Variants in EDN1 observed in about 807,000 individuals in gnomAD.
EDN1 encodes endothelin-1.
A neutral mutation model predicts 21.7 loss-of-function variants in EDN1; 11 were observed. The ratio of observed to expected loss-of-function variants is 0.51; its 90% CI spans 0.32 to 0.84. The LOEUF is 0.84. Among genes scored for constraint, EDN1 ranks in the 40% least tolerant of loss-of-function variants. The probability of loss-of-function intolerance (pLI) is 0.03; values close to 1 mark genes in which losing one functional copy is unlikely to be tolerated. For synonymous variants in EDN1, 85 were observed against 90.6 expected, an observed-to-expected ratio of 0.94 and a Z score of 0.35; for missense variants, 244 against 262.3, an observed-to-expected ratio of 0.93 and a Z score of 0.48.
chr6:12,290,504 A>T lies in EDN1; in HGVS notation c.-126A>T. ...TGCCTTTTCTCCCCGTTAAAAGGGC[A>T]CTTGGGCTGAAGGATCGCTTTGAGA... On this transcript the variant is annotated 5_prime_UTR_variant, in exon 1 of 5. Transcript: ENST00000379375. 11 of 788,320 alleles carry T rather than the reference A, an allele frequency of 1.4e-5. No individual in the cohort carries two copies. The South Asian group carries it at 1.6e-4, about 12-fold the overall frequency. The allele number at this position is 788,320 out of a possible 1,614,324, so 48.8% of individuals were successfully genotyped here. A position where few individuals can be genotyped will look rare whatever the true frequency, so the allele number is the denominator to read the frequency against.
chr6:12,244,803 C>T, the EDN1 span, among the ~76,000 whole-genome samples: 1 of 152,116 alleles, frequency 6.6e-6, no homozygotes, highest in Non-Finnish European at 1.5e-5. Flanking sequence ...CTTAGAGAAG[C>T]CCAGGGGTCC....
chr6:12,295,131 C>T (rs1762792003), intron 4 of EDN1, among the ~76,000 whole-genome samples: 1 of 151,930 alleles, frequency 6.6e-6, no homozygotes, highest in Non-Finnish European at 1.5e-5. Flanking sequence ...AAGGAGGAAA[C>T]CTACTCTCTG....
chr6:12,288,920 G>T (rs2113790770), upstream of EDN1, among the ~76,000 whole-genome samples: 1 of 152,290 alleles, frequency 6.6e-6, no homozygotes, highest in Non-Finnish European at 1.5e-5. Context: ...GTGTGTATTT[G>T]ATGGCATCCC....
intron 4 of EDN1, among the ~76,000 whole-genome samples, chr6:12,295,686 A>T (rs567774497): frequency 1.2e-4 from 19 of 152,154 alleles, no homozygotes; most frequent in Non-Finnish European, 2.8e-4. Flanking sequence ...AGAAACCAGA[A>T]CAACTCTAGT....
rs149750515 is a variant in EDN1, at chr6:12,294,301, A to G, written c.430A>G (p.Lys144Glu). ...GGAGAAAGACTGGAATAATCATAAG[A>G]AAGGAAAAGACTGTTCCAAGCTTGG... The part of the protein sequence containing the change: ...IMEKDWNNHK[K>E]GKDCSKLGKK... Residue 144 changes from lysine to glutamate, a missense_variant, in exon 4 of 5, where the codon AAA (lysine) becomes GAA (glutamate). Transcript: ENST00000379375. The G allele has an allele frequency of 8.1e-6, 13 of 1,614,130 alleles. No homozygotes were observed. The highest frequency in any genetic ancestry group is 1.1e-5 in the Non-Finnish European group (13 of 1,180,044).
chr6:12,250,814 T>C, the EDN1 span, among the ~76,000 whole-genome samples: 1 of 152,198 alleles, frequency 6.6e-6, no homozygotes, highest in South Asian at 2.1e-4. Context: ...ACAAAATCAA[T>C]TACTCTCTTT....
the EDN1 span, among the ~76,000 whole-genome samples, chr6:12,277,262 G>A: frequency 6.6e-6 from 1 of 152,210 alleles, no homozygotes; most frequent in Non-Finnish European, 1.5e-5. Flanking sequence ...GGAAGGAAGG[G>A]TTGAAGAGAC....
upstream of EDN1, among the ~76,000 whole-genome samples, chr6:12,287,726 A>T (rs1463392338): frequency 1.0e-3 from 151 of 147,404 alleles, 2 homozygotes; most frequent in East Asian, 4.1e-3. Context: ...ACACACACAC[A>T]CACACACACA....
At chr6:12,276,550 C>A in the EDN1 span, among the ~76,000 whole-genome samples, 1 of 152,110 alleles carries the variant, frequency 6.6e-6, no homozygotes, top group African/African-American at 2.4e-5. Context: ...ACGTTTGTAC[C>A]GAGTTATGGT....
the EDN1 span, among the ~76,000 whole-genome samples, chr6:12,272,259 C>A: frequency 2.0e-5 from 3 of 151,978 alleles, no homozygotes; most frequent in Admixed American, 6.6e-5. Context: ...ACCAGGGCTA[C>A]CTTTTTAACT....
upstream of EDN1, among the ~76,000 whole-genome samples, chr6:12,289,126 G>A (rs1450517687): frequency 6.6e-6 from 1 of 152,172 alleles, no homozygotes; most frequent in Non-Finnish European, 1.5e-5. Flanking sequence ...ACTGCCCTGT[G>A]TGTACTTCAG....
the EDN1 span, among the ~76,000 whole-genome samples, chr6:12,258,449 CAAAAAAAAA>C: frequency 4.7e-5 from 3 of 63,658 alleles, no homozygotes; most frequent in African/African-American, 1.5e-4. Flanking sequence ...GATCATGTCT[CAAAAAAAAA>C]AAAAAAAAAA....
chr6:12,253,458 C>T, the EDN1 span, among the ~76,000 whole-genome samples: 3 of 152,012 alleles, frequency 2.0e-5, no homozygotes, highest in Non-Finnish European at 2.9e-5. Context: ...AGTATGAAAT[C>T]ACATAATACC....
At chr6:12,293,207 A>G (rs182004313) in intron 2 of EDN1, among the ~76,000 whole-genome samples, 24 of 152,356 alleles carry the variant, frequency 1.6e-4, no homozygotes, top group Non-Finnish European at 2.9e-4. Context: ...TATGCATACA[A>G]TGTACCGTTA....
chr6:12,287,707 C>T (rs973494043), upstream of EDN1, among the ~76,000 whole-genome samples: 1 of 74,864 alleles, frequency 1.3e-5, no homozygotes, highest in Admixed American at 1.9e-4. Context: ...CTCTCTCTCT[C>T]TCTCTCACAC....
At chr6:12,235,295 G>T in the EDN1 span, among the ~76,000 whole-genome samples, 1 of 152,162 alleles carries the variant, frequency 6.6e-6, no homozygotes. Context: ...TCCTGCTCAG[G>T]CTTCCTTCCT....
chr6:12,256,839 A>G, the EDN1 span, among the ~76,000 whole-genome samples: 1 of 152,242 alleles, frequency 6.6e-6, no homozygotes, highest in Non-Finnish European at 1.5e-5. Flanking sequence ...ATTAAGAACC[A>G]TATTTAATTT....
At chr6:12,261,605 CAG>C in the EDN1 span, among the ~76,000 whole-genome samples, 1 of 152,190 alleles carries the variant, frequency 6.6e-6, no homozygotes, top group Non-Finnish European at 1.5e-5. Flanking sequence ...AATATTCACA[CAG>C]GGGATACAGA....
the EDN1 span, among the ~76,000 whole-genome samples, chr6:12,284,126 T>C: frequency 6.6e-6 from 1 of 152,206 alleles, no homozygotes; most frequent in Non-Finnish European, 1.5e-5. Flanking sequence ...ATAAGGTACC[T>C]AGAATTCCTT....
Sources: gnomAD v4.1 joint callset for allele counts (sites outside exome capture counted in the v4.1 genomes callset) on GRCh38, gnomAD v4.1.1 for gene constraint, MANE v1.5 for transcripts, NCBI Gene and HGNC (gene_info 2026-07-23, HGNC 2026-07-21) for gene names.